The following PPARGC1A variants were observed in gnomAD, a reference collection of about 807,000 sequenced individuals.
The protein encoded by PPARGC1A is PPARG coactivator 1 alpha, also known as peroxisome proliferator-activated receptor gamma coactivator 1-alpha.
PPARGC1A carries 25 observed loss-of-function variants against 88.7 expected under a neutral mutation model. That is an observed-to-expected ratio of 0.28 (90% CI 0.21 to 0.39). The LOEUF is 0.39. PPARGC1A is among the 10% of genes least tolerant of loss of function. The pLI, the probability that PPARGC1A is intolerant of heterozygous loss-of-function variation, is 1.00. For synonymous variants in PPARGC1A, 363 were observed against 355.6 expected, an observed-to-expected ratio of 1.02 and a Z score of -0.24; for missense variants, 880 against 968.7, an observed-to-expected ratio of 0.91 and a Z score of 1.22.
intron 2 of PPARGC1A, among the ~76,000 whole-genome samples, chr4:23,844,699 C>A (rs56243735): frequency 0.044 from 3,566 of 80,256 alleles, 289 homozygotes; most frequent in East Asian, 0.098. Flanking sequence ...AATATATGAT[C>A]TATCATAATA....
chr4:24,354,523 C>A, the PPARGC1A span, among the ~76,000 whole-genome samples: 4 of 152,190 alleles, frequency 2.6e-5, no homozygotes, highest in Non-Finnish European at 5.9e-5. Context: ...ATTTAGTTTT[C>A]TTTTACTCAC....
chr4:23,976,727 G>A, the PPARGC1A span, among the ~76,000 whole-genome samples: 1 of 152,312 alleles, frequency 6.6e-6, no homozygotes, highest in South Asian at 2.1e-4. Context: ...GGCCATGTAA[G>A]GACAACGAGA....
the PPARGC1A span, among the ~76,000 whole-genome samples, chr4:24,343,457 C>T: frequency 1.5e-4 from 23 of 152,226 alleles, no homozygotes; most frequent in Admixed American, 1.0e-3. Context: ...ATCCACAGGA[C>T]GCAGCAACAA....
At chr4:23,906,747 C>T (rs1287665405), upstream of PPARGC1A, among the ~76,000 whole-genome samples, 1 of 151,920 alleles carries the variant, frequency 6.6e-6, no homozygotes, top group Non-Finnish European at 1.5e-5. Context: ...ATAGTAGAAT[C>T]AACGTCCAAC....
chr4:24,274,780 C>G, the PPARGC1A span, among the ~76,000 whole-genome samples: 1 of 152,202 alleles, frequency 6.6e-6, no homozygotes, highest in East Asian at 1.9e-4. Context: ...CCTTTTTAAG[C>G]TGCTATTGGC....
the PPARGC1A span, among the ~76,000 whole-genome samples, chr4:24,437,635 T>A: frequency 2.8e-5 from 4 of 144,926 alleles, no homozygotes; most frequent in African/African-American, 1.0e-4. Flanking sequence ...TTGTTGTTGT[T>A]GTTTTAGTTT....
the PPARGC1A span, among the ~76,000 whole-genome samples, chr4:24,242,864 C>A: frequency 8.5e-5 from 13 of 152,212 alleles, no homozygotes; most frequent in Admixed American, 2.6e-4. Context: ...CTCCCAGCCT[C>A]AGAACCCCAT....
the PPARGC1A span, among the ~76,000 whole-genome samples, chr4:23,970,163 G>A: frequency 1.3e-5 from 2 of 152,172 alleles, no homozygotes; most frequent in Admixed American, 6.5e-5. Context: ...CTCTGTCTAA[G>A]GATTCCTGTG....
the PPARGC1A span, among the ~76,000 whole-genome samples, chr4:24,216,453 T>G: frequency 1.3e-5 from 2 of 152,114 alleles, no homozygotes; most frequent in Admixed American, 1.3e-4. Context: ...CAGCCCATTT[T>G]GCAGCTAACT....
the PPARGC1A span, among the ~76,000 whole-genome samples, chr4:24,471,458 G>A: frequency 6.6e-6 from 1 of 152,158 alleles, no homozygotes; most frequent in Non-Finnish European, 1.5e-5. The surrounding 1 kb of genome is among the most constrained non-coding windows in gnomAD (Gnocchi z 5.4). Flanking sequence ...TCACCAACAA[G>A]CGGTGGGGGC....
At chr4:24,359,258 A>G in the PPARGC1A span, among the ~76,000 whole-genome samples, 50,333 of 151,902 alleles carry the variant, frequency 0.33, 8,554 homozygotes, top group South Asian at 0.39. Flanking sequence ...CCCTCTCCTG[A>G]CCTCCAAACA....
At chr4:24,121,492 A>T in the PPARGC1A span, among the ~76,000 whole-genome samples, 12 of 152,062 alleles carry the variant, frequency 7.9e-5, no homozygotes, top group African/African-American at 2.9e-4. Flanking sequence ...CTGAACAAGT[A>T]CCACTGAATG....
chr4:24,159,146 T>C, the PPARGC1A span, among the ~76,000 whole-genome samples: 1 of 151,770 alleles, frequency 6.6e-6, no homozygotes, highest in Non-Finnish European at 1.5e-5. Flanking sequence ...AATCAGCCTA[T>C]ATGATAAATA....
At chr4:24,233,549 T>C in the PPARGC1A span, among the ~76,000 whole-genome samples, 141 of 151,580 alleles carry the variant, frequency 9.3e-4, no homozygotes, top group African/African-American at 3.3e-3. Flanking sequence ...GATGATTTCC[T>C]CATTTACCTG....
At chr4:24,083,338 A>G in the PPARGC1A span, among the ~76,000 whole-genome samples, 2 of 151,988 alleles carry the variant, frequency 1.3e-5, no homozygotes, top group South Asian at 4.1e-4. Context: ...TAAGGCAAAC[A>G]CCTCCGCAAG....
At chr4:23,866,991 C>G (rs893345626) in intron 2 of PPARGC1A, among the ~76,000 whole-genome samples, 2 of 152,056 alleles carry the variant, frequency 1.3e-5, no homozygotes, top group South Asian at 2.1e-4. Context: ...TATTAAGAAC[C>G]TACTATGTGT....
At chr4:24,100,100 A>G in the PPARGC1A span, among the ~76,000 whole-genome samples, 3 of 152,152 alleles carry the variant, frequency 2.0e-5, no homozygotes, top group African/African-American at 7.2e-5. Flanking sequence ...GTGCACATGT[A>G]TCCTAGAACT....
the PPARGC1A span, among the ~76,000 whole-genome samples, chr4:24,110,502 A>T: frequency 6.6e-6 from 1 of 152,166 alleles, no homozygotes; most frequent in Non-Finnish European, 1.5e-5. Flanking sequence ...AAAGATCACC[A>T]AATGATCAAC....
At chr4:23,912,154 C>G in the PPARGC1A span, among the ~76,000 whole-genome samples, 1 of 152,072 alleles carries the variant, frequency 6.6e-6, no homozygotes, top group East Asian at 1.9e-4. Flanking sequence ...AGAGTAGGTT[C>G]TAGAAAATTC....
Sources: allele counts gnomAD v4.1 joint callset (sites outside exome capture counted in the v4.1 genomes callset), GRCh38; gene constraint gnomAD v4.1.1; non-coding constraint Gnocchi (gnomAD v3.1); transcripts MANE v1.5; gene names NCBI Gene and HGNC (gene_info 2026-07-23, HGNC 2026-07-21).